RELN: variants seen among roughly 807,000 people sequenced by gnomAD.
The protein encoded by RELN is reelin.
RELN carries 108 observed loss-of-function variants against 427.6 expected under a neutral mutation model. That is an observed-to-expected ratio of 0.25 (90% CI 0.22 to 0.30). The LOEUF (loss-of-function observed/expected upper bound fraction) is 0.30. Ranked by LOEUF, RELN falls within the 10% of genes least tolerant of loss-of-function variation. The probability of loss-of-function intolerance (pLI) is 1.00; values close to 1 mark genes in which losing one functional copy is unlikely to be tolerated. For missense variants in RELN, 3,715 were observed against 4,302.8 expected (o/e 0.86, Z 3.82); for synonymous variants, 1,524 against 1,513.4 (o/e 1.01, Z -0.16).
intron 64 of RELN, among the ~76,000 whole-genome samples, chr7:103,477,089 A>G (rs1828062578): frequency 6.6e-6 from 1 of 152,218 alleles, no homozygotes; most frequent in Non-Finnish European, 1.5e-5. Flanking sequence ...AATGAACAAC[A>G]AAGGCTTCTT....
At chr7:103,962,822 T>TA (rs1180589463) in intron 1 of RELN, among the ~76,000 whole-genome samples, 2 of 152,214 alleles carry the variant, frequency 1.3e-5, no homozygotes, top group East Asian at 3.8e-4. Flanking sequence ...AGTAAAAACT[T>TA]ACAGCTTCAT....
At position 103,988,778 on chromosome 7, in the gene RELN, C is replaced by T. The variant is rs564434778; in HGVS notation, c.226+353G>A. 3.7e-4 allele frequency among the ~76,000 whole-genome samples: 57 copies of T among 152,276 alleles called. No homozygotes were observed. The highest frequency in any genetic ancestry group is 1.3e-3 in the African/African-American group (56 of 41,552). ...GGGAGCAGGACAAAGGTCTGAAATCCAAGTCCTAGGAGTAAAGAAACAAAA... is the reference window on the plus strand; with the variant it reads ...GGGAGCAGGACAAAGGTCTGAAATCTAAGTCCTAGGAGTAAAGAAACAAAA... On this transcript the variant is annotated intron_variant, in intron 1 of 64. Coordinates refer to ENST00000428762, the MANE Select transcript of RELN (RefSeq NM_005045.4). This position sits in a 1 kb window ranked among gnomAD's most constrained non-coding sequence, Gnocchi z 4.9.
At chr7:103,619,863 T>A (rs1832176339) in intron 20 of RELN, among the ~76,000 whole-genome samples, 1 of 151,970 alleles carries the variant, frequency 6.6e-6, no homozygotes, top group South Asian at 2.1e-4. Flanking sequence ...TAAGAGTGTG[T>A]GTATATGTGT....
In RELN at chr7:103,751,516, T is replaced by C. The variant is rs3819470; in HGVS notation, c.577+1666A>G. On this transcript the variant is annotated intron_variant, in intron 5 of 64. Coordinates refer to ENST00000428762, the MANE Select transcript of RELN (RefSeq NM_005045.4). ...GCCTCAGGCATGAGAACAGGGAGAA[T>C]ATGGATATACACTGGAGAGAACGCT... Among the ~76,000 whole-genome samples the C allele has an allele frequency of 2.0e-5, 3 of 152,310 alleles. No individual in the cohort carries two copies. In the East Asian group the frequency reaches 5.8e-4, roughly 29 times the overall value.
chr7:103,913,391 A>G (rs1423818217), intron 2 of RELN, among the ~76,000 whole-genome samples: 2 of 152,174 alleles, frequency 1.3e-5, no homozygotes, highest in African/African-American at 4.8e-5. Flanking sequence ...TTGCACATTA[A>G]TCCTGTGATA....
At chr7:103,963,453 T>C (rs1796602327) in intron 1 of RELN, among the ~76,000 whole-genome samples, 1 of 152,190 alleles carries the variant, frequency 6.6e-6, no homozygotes, top group African/African-American at 2.4e-5. Context: ...TTCATAGACA[T>C]TATCTATGTT....
intron 14 of RELN, 24 bp from the exon 15 acceptor site, chr7:103,651,813 C>A (rs1832921308): frequency 6.2e-7 from 1 of 1,609,116 alleles, no homozygotes; most frequent in African/African-American, 1.3e-5. Context: ...AACAAGCACA[C>A]ACAAAAGGTG....
chr7:103,887,925 A>G (rs1794760262), intron 2 of RELN, among the ~76,000 whole-genome samples: 1 of 152,192 alleles, frequency 6.6e-6, no homozygotes, highest in Admixed American at 6.5e-5. Flanking sequence ...AAATGGCAAA[A>G]TAACTAGGAT....
chr7:103,618,837 G>T (rs1048044163), intron 20 of RELN, among the ~76,000 whole-genome samples: 1 of 152,196 alleles, frequency 6.6e-6, no homozygotes, highest in Admixed American at 6.5e-5. Flanking sequence ...CACTGGCAGG[G>T]TGTGGTGGCT....
intron 1 of RELN, among the ~76,000 whole-genome samples, chr7:103,977,557 G>C (rs548752420): frequency 6.6e-6 from 1 of 152,132 alleles, no homozygotes; most frequent in Non-Finnish European, 1.5e-5. Flanking sequence ...TAATACTTGT[G>C]GTCCCAGGAA....
chr7:103,691,192 C>CA (rs1237965818), intron 10 of RELN, among the ~76,000 whole-genome samples: 5 of 152,078 alleles, frequency 3.3e-5, no homozygotes, highest in African/African-American at 7.2e-5. Flanking sequence ...TATAATTCTC[C>CA]AAATCATATA....
At chr7:103,772,970 A>T (rs1355428520) in intron 4 of RELN, among the ~76,000 whole-genome samples, 3 of 152,128 alleles carry the variant, frequency 2.0e-5, no homozygotes, top group East Asian at 1.9e-4. Context: ...AGTTCTGTAA[A>T]GGCACCATGA....
chr7:103,582,312 G>A (rs1245303324), intron 28 of RELN, among the ~76,000 whole-genome samples: 1 of 152,188 alleles, frequency 6.6e-6, no homozygotes, highest in Non-Finnish European at 1.5e-5. Flanking sequence ...CTCTGTCATA[G>A]TAGCTGGGTC....
At chr7:103,779,861 G>A (rs1011943159) in intron 3 of RELN, among the ~76,000 whole-genome samples, 1 of 152,168 alleles carries the variant, frequency 6.6e-6, no homozygotes, top group African/African-American at 2.4e-5. Flanking sequence ...CTGAGTAGCT[G>A]GGACTACAGG....
At chr7:103,837,159 TC>T (rs1260997396) in intron 2 of RELN, among the ~76,000 whole-genome samples, 1 of 152,196 alleles carries the variant, frequency 6.6e-6, no homozygotes, top group African/African-American at 2.4e-5. Flanking sequence ...CCATCATTCT[TC>T]CCCTGGCATA....
At chr7:103,971,043 T>G (rs1584410578) in intron 1 of RELN, among the ~76,000 whole-genome samples, 1 of 151,212 alleles carries the variant, frequency 6.6e-6, no homozygotes, top group East Asian at 1.9e-4. Flanking sequence ...TCCCAGCTAT[T>G]CAGGAGGCTG....
At chr7:103,880,233 C>T (rs1794575377) in intron 2 of RELN, among the ~76,000 whole-genome samples, 1 of 151,948 alleles carries the variant, frequency 6.6e-6, no homozygotes, top group African/African-American at 2.4e-5. Context: ...AAAAAGCTTA[C>T]ACATTCTTGG....
chr7:103,975,586 C>T (rs192550724), intron 1 of RELN, among the ~76,000 whole-genome samples: 2,399 of 151,176 alleles, frequency 0.016, 35 homozygotes, highest in Non-Finnish European at 0.023. Context: ...CTCGCTCTGT[C>T]GCCCAGGCTG....
Position 103,929,498 on chromosome 7 carries a change from G to A in RELN, c.227-12313C>T, listed in dbSNP as rs373627717. ...ACGTACAGAGTTAGGTTCCTGTGAG[G>A]CTTTGGTTACATGTTCATCAACTGA... On this transcript the variant is annotated intron_variant, in intron 1 of 64. Coordinates refer to ENST00000428762, the MANE Select transcript of RELN (RefSeq NM_005045.4). Among the ~76,000 whole-genome samples the A allele has an allele frequency of 1.9e-4, 29 of 152,234 alleles. No homozygotes were observed. In the East Asian group the frequency reaches 5.0e-3, roughly 26 times the overall value.
Sources: allele counts gnomAD v4.1 joint callset (sites outside exome capture counted in the v4.1 genomes callset), GRCh38; gene constraint gnomAD v4.1.1; non-coding constraint Gnocchi (gnomAD v3.1); transcripts MANE v1.5; gene names NCBI Gene and HGNC (gene_info 2026-07-23, HGNC 2026-07-21).